The following ALK variants were observed in gnomAD, a reference collection of about 807,000 sequenced individuals.
The protein encoded by ALK is ALK tyrosine kinase receptor.
In ALK, 74 loss-of-function variants were observed where a neutral mutation model predicts 163.1. That is an observed-to-expected ratio of 0.45 (90% confidence interval 0.38 to 0.55). The LOEUF (loss-of-function observed/expected upper bound fraction) is 0.55. Among genes scored for constraint, ALK ranks in the 20% least tolerant of loss-of-function variants. The probability of loss-of-function intolerance (pLI) is 0.00; values close to 1 mark genes in which losing one functional copy is unlikely to be tolerated. For missense variants in ALK, 2,063 were observed against 2,105.3 expected (o/e 0.98, Z 0.39); for synonymous variants, 960 against 843.2 (o/e 1.14, Z -2.40).
intron 1 of ALK, among the ~76,000 whole-genome samples, chr2:29,843,851 A>C (rs1479389026): frequency 4.6e-5 from 7 of 152,212 alleles, no homozygotes; most frequent in Non-Finnish European, 2.9e-5. Context: ...GTTACTACTG[A>C]GCACTTACTG....
chr2:29,595,834 A>G (rs759757361), intron 3 of ALK, among the ~76,000 whole-genome samples: 10 of 152,238 alleles, frequency 6.6e-5, no homozygotes, highest in Non-Finnish European at 1.2e-4. Context: ...GGGGAGGCAC[A>G]GGGAATAAGT....
Position 29,920,378 on chromosome 2 carries a change from G to A in ALK, c.282C>T (p.Asp94=), listed in dbSNP as rs1558549961. Reference sequence around the variant, plus strand: ...CCAGCAACCTGAGCAGCGGGGCGCAGTCCAGAGCTAGCGAGCCGCGGGCCT... The same window carrying A: ...CCAGCAACCTGAGCAGCGGGGCGCAATCCAGAGCTAGCGAGCCGCGGGCCT... ...RPEARGSLAL[D]CAPLLRLLGP... Residue 94 remains aspartate, a synonymous_variant, in exon 1 of 29, where the codon GAC becomes GAT. Coordinates refer to ENST00000389048, the MANE Select transcript of ALK (RefSeq NM_004304.5). The A allele has an allele frequency of 6.4e-7, 1 of 1,561,798 alleles. No homozygotes were observed. The highest frequency in any genetic ancestry group is 8.7e-7 in the Non-Finnish European group (1 of 1,154,172).
intron 3 of ALK, among the ~76,000 whole-genome samples, chr2:29,634,425 C>T (rs1368808329): frequency 6.6e-6 from 1 of 151,862 alleles, no homozygotes; most frequent in Non-Finnish European, 1.5e-5. Flanking sequence ...GAATTATATA[C>T]CATGATTAAC....
At chr2:29,621,280 CT>C (rs1192714060) in intron 3 of ALK, among the ~76,000 whole-genome samples, 1 of 152,060 alleles carries the variant, frequency 6.6e-6, no homozygotes, top group Non-Finnish European at 1.5e-5. Flanking sequence ...TTGTTCATCG[CT>C]TTTTTTGTTG....
chr2:29,862,028 A>G (rs1241588396), intron 1 of ALK, among the ~76,000 whole-genome samples: 1 of 152,254 alleles, frequency 6.6e-6, no homozygotes, highest in African/African-American at 2.4e-5. Flanking sequence ...GACAAAAATC[A>G]TACGATTATA....
chr2:29,301,031 A>T (rs974153752), intron 8 of ALK, among the ~76,000 whole-genome samples: 1 of 152,280 alleles, frequency 6.6e-6, no homozygotes, highest in South Asian at 2.1e-4. Context: ...TGACTGAAGA[A>T]CTGTCTGCAT....
intron 11 of ALK, among the ~76,000 whole-genome samples, chr2:29,263,780 G>C (rs1469291778): frequency 2.6e-5 from 4 of 152,192 alleles, no homozygotes; most frequent in Non-Finnish European, 5.9e-5. Context: ...GAGGATCTCA[G>C]AGATGTGAGT....
intron 1 of ALK, among the ~76,000 whole-genome samples, chr2:29,855,283 G>C (rs944970517): frequency 3.9e-5 from 6 of 152,096 alleles, no homozygotes; most frequent in Admixed American, 1.3e-4. Flanking sequence ...ATACACCAAG[G>C]CTCTTAGGTT....
intron 2 of ALK, among the ~76,000 whole-genome samples, chr2:29,699,771 C>G (rs1184072770): frequency 6.6e-6 from 1 of 152,226 alleles, no homozygotes; most frequent in Admixed American, 6.5e-5. Context: ...TTTCCAGGAC[C>G]TGCCTATCAC....
chr2:29,905,761 T>C (rs532151520), intron 1 of ALK, among the ~76,000 whole-genome samples: 2 of 152,152 alleles, frequency 1.3e-5, no homozygotes, highest in Admixed American at 1.3e-4. Context: ...AGCAGATGTG[T>C]GGGTCCAAGG....
At chr2:29,611,722 C>T (rs899284061) in intron 3 of ALK, among the ~76,000 whole-genome samples, 2 of 152,084 alleles carry the variant, frequency 1.3e-5, no homozygotes, top group Admixed American at 1.3e-4. Flanking sequence ...AGTGAACTCT[C>T]AGGAGATCTG....
chr2:29,374,707 C>T (rs1161215450), intron 5 of ALK, among the ~76,000 whole-genome samples: 4 of 152,170 alleles, frequency 2.6e-5, no homozygotes, highest in Admixed American at 1.3e-4. Context: ...TGGGGAGGGA[C>T]ATTTGAGAAA....
chr2:29,643,790 A>G (rs1004328268), intron 3 of ALK, among the ~76,000 whole-genome samples: 1 of 152,120 alleles, frequency 6.6e-6, no homozygotes, highest in African/African-American at 2.4e-5. Flanking sequence ...ACACTTTTAC[A>G]CTGTTGGTGG....
At chr2:29,219,480 C>T (rs1669726249) in intron 23 of ALK, among the ~76,000 whole-genome samples, 1 of 152,168 alleles carries the variant, frequency 6.6e-6, no homozygotes, top group Admixed American at 6.5e-5. Context: ...TGTCAGTCTT[C>T]CCTCCTTTCC....
intron 3 of ALK, among the ~76,000 whole-genome samples, chr2:29,561,258 C>T (rs868000058): frequency 3.4e-4 from 51 of 152,174 alleles, no homozygotes; most frequent in Admixed American, 1.2e-3. Context: ...ATCCCCATGC[C>T]TCCATTCCAT....
intron 1 of ALK, among the ~76,000 whole-genome samples, chr2:29,764,575 T>A (rs1178692198): frequency 6.6e-6 from 1 of 152,204 alleles, no homozygotes; most frequent in African/African-American, 2.4e-5. Context: ...TGAGAGTCAC[T>A]ACATATATGA....
At chr2:29,872,215 A>G (rs1418847928) in intron 1 of ALK, among the ~76,000 whole-genome samples, 1 of 152,212 alleles carries the variant, frequency 6.6e-6, no homozygotes, top group Non-Finnish European at 1.5e-5. Context: ...GAAGAATTGA[A>G]GGTGTTGGGA....
At chr2:29,549,497 CA>C (rs1161594071) in intron 3 of ALK, among the ~76,000 whole-genome samples, 1 of 152,122 alleles carries the variant, frequency 6.6e-6, no homozygotes, top group African/African-American at 2.4e-5. Context: ...AGCCAATAGC[CA>C]CATGTGGTTT....
At chr2:29,846,005 A>G (rs1290472355) in intron 1 of ALK, among the ~76,000 whole-genome samples, 2 of 152,218 alleles carry the variant, frequency 1.3e-5, no homozygotes, top group Non-Finnish European at 2.9e-5. Context: ...GGTCTGGTCT[A>G]TATCATATAG....
Sources: allele counts gnomAD v4.1 joint callset (sites outside exome capture counted in the v4.1 genomes callset), GRCh38; gene constraint gnomAD v4.1.1; transcripts MANE v1.5; gene names NCBI Gene and HGNC (gene_info 2026-07-23, HGNC 2026-07-21).